SMAP1: variants seen among roughly 807,000 people sequenced by gnomAD.
The protein encoded by SMAP1 is small ArfGAP 1.
Under a neutral mutation model 58.5 loss-of-function variants are expected in SMAP1, and 24 were observed. That is an observed-to-expected ratio of 0.41 (90% CI 0.30 to 0.58). The LOEUF (loss-of-function observed/expected upper bound fraction) is 0.58, where lower values mean the gene tolerates loss of function less well. Among genes scored for constraint, SMAP1 ranks in the 20% least tolerant of loss-of-function variants. SMAP1 has a pLI of 0.29. For synonymous variants in SMAP1, 216 were observed against 196.6 expected (o/e 1.10, Z -0.82); for missense variants, 563 against 566.3 (o/e 0.99, Z 0.06).
At chr6:70,767,377 G>C (rs1339324985) in intron 3 of SMAP1, among the ~76,000 whole-genome samples, 7 of 152,182 alleles carry the variant, frequency 4.6e-5, no homozygotes, top group Non-Finnish European at 7.3e-5. Context: ...TCCTACCCAT[G>C]AGCATGGAAT....
At chr6:70,804,720 T>G (rs1273853911) in intron 6 of SMAP1, among the ~76,000 whole-genome samples, 1 of 152,156 alleles carries the variant, frequency 6.6e-6, no homozygotes, top group Non-Finnish European at 1.5e-5. Context: ...AGCATTTGCT[T>G]GTCTGTAAAG....
chr6:70,743,557 C>T (rs1037550842), intron 2 of SMAP1, among the ~76,000 whole-genome samples: 6 of 152,148 alleles, frequency 3.9e-5, no homozygotes, highest in Non-Finnish European at 4.4e-5. Context: ...GAACCAGGCA[C>T]GTAATAAGCT....
chr6:70,839,910 TCAAAA>T (rs1202424588), intron 7 of SMAP1, among the ~76,000 whole-genome samples: 1 of 152,160 alleles, frequency 6.6e-6, no homozygotes, highest in Non-Finnish European at 1.5e-5. Flanking sequence ...CTCTTTCAGC[TCAAAA>T]CAAACAGTGG....
chr6:70,721,796 A>G (rs528332413), intron 1 of SMAP1, among the ~76,000 whole-genome samples: 1 of 152,302 alleles, frequency 6.6e-6, no homozygotes, highest in South Asian at 2.1e-4. Context: ...AATGAGGAAG[A>G]AGCAAAAGTG....
chr6:70,735,264 A>G (rs1765576392), intron 2 of SMAP1, among the ~76,000 whole-genome samples: 1 of 152,208 alleles, frequency 6.6e-6, no homozygotes, highest in South Asian at 2.1e-4. Flanking sequence ...GTCACACTAG[A>G]AAGTTCCTTC....
At position 70,753,997 on chromosome 6, in the gene SMAP1, T is replaced by C. The variant is rs1159653455; in HGVS notation, c.253-983T>C. ...ACTATATTTTTTGTTTGAAGAAAGA[T>C]AGTTCTGTGTATACTTGAGGGCTAC... On this transcript the variant is annotated intron_variant, in intron 2 of 10. Transcript: ENST00000370455. Among the ~76,000 whole-genome samples, 11 of 152,202 alleles carry C rather than the reference T, an allele frequency of 7.2e-5. No individual in the cohort carries two copies. In the South Asian group the frequency reaches 2.3e-3, roughly 32 times the overall value.
At chr6:70,756,567 G>A (rs1766499690) in intron 3 of SMAP1, among the ~76,000 whole-genome samples, 1 of 152,014 alleles carries the variant, frequency 6.6e-6, no homozygotes, top group African/African-American at 2.4e-5. Context: ...GACCTTTTAG[G>A]TCAGAAGAAG....
chr6:70,798,334 A>G (rs561141647), intron 5 of SMAP1, among the ~76,000 whole-genome samples: 5 of 152,038 alleles, frequency 3.3e-5, no homozygotes, highest in African/African-American at 9.6e-5. Context: ...ACCTAATAAA[A>G]GGATATAGTG....
chr6:70,735,170 GT>G (rs1389455382), intron 2 of SMAP1, among the ~76,000 whole-genome samples: 1 of 152,146 alleles, frequency 6.6e-6, no homozygotes, highest in Non-Finnish European at 1.5e-5. Flanking sequence ...AGAGAGAACA[GT>G]TCACAGATCT....
At chr6:70,741,975 A>T (rs1445084512) in intron 2 of SMAP1, among the ~76,000 whole-genome samples, 1 of 152,206 alleles carries the variant, frequency 6.6e-6, no homozygotes, top group Non-Finnish European at 1.5e-5. Context: ...AGCAGCTGGG[A>T]TGCAGGGTAC....
intron 3 of SMAP1, among the ~76,000 whole-genome samples, chr6:70,768,016 T>C (rs1767078491): frequency 6.6e-6 from 1 of 151,206 alleles, no homozygotes; most frequent in South Asian, 2.1e-4. Flanking sequence ...AATCATGTGG[T>C]TTTTGTCTTT....
At chr6:70,727,648 A>G (rs1355557055) in intron 1 of SMAP1, among the ~76,000 whole-genome samples, 1 of 152,218 alleles carries the variant, frequency 6.6e-6, no homozygotes, top group Non-Finnish European at 1.5e-5. Context: ...GGATCTAGAA[A>G]ACTCAGGTTT....
At chr6:70,770,539 A>G (rs80155136) in intron 3 of SMAP1, among the ~76,000 whole-genome samples, 2 of 152,106 alleles carry the variant, frequency 1.3e-5, no homozygotes, top group Admixed American at 6.5e-5. Context: ...AGTTGATTGC[A>G]TCGGCTCCTG....
rs769712548 is a variant in SMAP1, at chr6:70,861,943, G to A, written c.*1609G>A. 6.2e-7 allele frequency: 1 copy of A among 1,613,510 alleles called. No homozygotes were observed. The highest frequency in any genetic ancestry group is 8.5e-7 in the Non-Finnish European group (1 of 1,179,722). On this transcript the variant is annotated 3_prime_UTR_variant, in exon 11 of 11. Coordinates refer to ENST00000370455, the MANE Select transcript of SMAP1 (RefSeq NM_001044305.3). ...CCACGACGCTTAAATACAGCTTTTGGATTGGACAAAATGACTTGAAGACTT... is the reference window on the plus strand; with the variant it reads ...CCACGACGCTTAAATACAGCTTTTGAATTGGACAAAATGACTTGAAGACTT...
intron 6 of SMAP1, among the ~76,000 whole-genome samples, chr6:70,828,171 A>G (rs1274431830): frequency 2.0e-5 from 3 of 152,230 alleles, no homozygotes; most frequent in East Asian, 1.9e-4. Flanking sequence ...TAATGTATTT[A>G]TAGCATATAG....
At chr6:70,738,344 A>G (rs765730108) in intron 2 of SMAP1, among the ~76,000 whole-genome samples, 8 of 152,148 alleles carry the variant, frequency 5.3e-5, no homozygotes, top group East Asian at 1.9e-4. Flanking sequence ...GCACTCTCAC[A>G]TAAGTCAAAA....
chr6:70,773,742 T>C (rs1767429826), intron 4 of SMAP1, among the ~76,000 whole-genome samples: 1 of 152,116 alleles, frequency 6.6e-6, no homozygotes, highest in South Asian at 2.1e-4. Context: ...TAGAAATGTA[T>C]GAAAAAGAAA....
At chr6:70,685,457 AAAT>A (rs1167814443) in intron 1 of SMAP1, among the ~76,000 whole-genome samples, 10 of 152,176 alleles carry the variant, frequency 6.6e-5, no homozygotes, top group African/African-American at 2.4e-4. Context: ...GATGTTAAAT[AAAT>A]TCAGAGAAAG....
At chr6:70,791,652 G>GT in intron 4 of SMAP1, 37 bp from the exon 5 acceptor site, 2 of 1,546,384 alleles carry the variant, frequency 1.3e-6, no homozygotes, top group Non-Finnish European at 1.8e-6. Context: ...CCTTCTTTTT[G>GT]TTTTTTTCCT....
Sources: allele counts gnomAD v4.1 joint callset (sites outside exome capture counted in the v4.1 genomes callset), GRCh38; gene constraint gnomAD v4.1.1; transcripts MANE v1.5; gene names NCBI Gene and HGNC (gene_info 2026-07-23, HGNC 2026-07-21).